WWC2: variants seen among roughly 807,000 people sequenced by gnomAD.
WWC2 encodes the protein protein WWC2.
Under a neutral mutation model 138.5 loss-of-function variants are expected in WWC2, and 101 were observed. The observed-to-expected ratio is 0.73, with a 90% CI of 0.62 to 0.86. The LOEUF is 0.86. Among genes scored for constraint, WWC2 ranks in the 40% least tolerant of loss-of-function variants. The pLI is 0.00. For missense variants in WWC2, 1,420 were observed against 1,419.4 expected, an observed-to-expected ratio of 1.00 and a Z score of -0.01; for synonymous variants, 558 against 538.4, an observed-to-expected ratio of 1.04 and a Z score of -0.50.
At chr4:183,220,676 T>C (rs1307695239) in intron 4 of WWC2, among the ~76,000 whole-genome samples, 2 of 150,982 alleles carry the variant, frequency 1.3e-5, no homozygotes, top group African/African-American at 2.4e-5. Flanking sequence ...CTACTAAAAA[T>C]ACAAAAAAGT....
At chr4:183,114,650 G>C (rs1216219915) in intron 1 of WWC2, among the ~76,000 whole-genome samples, 1 of 148,296 alleles carries the variant, frequency 6.7e-6, no homozygotes, top group Non-Finnish European at 1.5e-5. Flanking sequence ...TGGTTTATTT[G>C]TTTTCACTGG....
intron 1 of WWC2, among the ~76,000 whole-genome samples, chr4:183,138,201 A>G (rs539499891): frequency 1.3e-5 from 2 of 152,302 alleles, no homozygotes; most frequent in South Asian, 4.1e-4. Context: ...CCCTCCCCCT[A>G]TAACCTTTGG....
chr4:183,208,036 G>A lies in WWC2; in HGVS notation c.325G>A (p.Asp109Asn). Reference sequence around the variant, plus strand: ...CAAGGACTACCTCTCTGTGGCACAGGATGCCCTCCGGACACAGAAGGAACT... The same window carrying A: ...CAAGGACTACCTCTCTGTGGCACAGAATGCCCTCCGGACACAGAAGGAACT... Reference protein sequence around the residue: ...MLKDYLSVAQDALRTQKELYH... With the variant: ...MLKDYLSVAQNALRTQKELYH... The change falls in exon 3 of 23, where the codon GAT becomes AAT. Residue 109 changes from aspartate (D) to asparagine (N), a missense_variant. Asp to Asn is a conservative substitution (Grantham distance 23). Coordinates refer to ENST00000403733, the MANE Select transcript of WWC2 (RefSeq NM_024949.6). The A allele has an allele frequency of 6.2e-7, 1 of 1,613,864 alleles. No homozygotes were observed.
intron 1 of WWC2, among the ~76,000 whole-genome samples, chr4:183,133,920 G>T (rs1733027614): frequency 6.6e-6 from 1 of 152,156 alleles, no homozygotes; most frequent in Admixed American, 6.5e-5. Flanking sequence ...TTGACTGGTT[G>T]AACAAGCCCA....
intron 2 of WWC2, among the ~76,000 whole-genome samples, chr4:183,194,672 G>A (rs940886146): frequency 2.0e-5 from 3 of 152,150 alleles, no homozygotes; most frequent in African/African-American, 7.2e-5. Flanking sequence ...GGTAGATGAT[G>A]TATTTCTCAA....
At chr4:183,115,712 GGTTT>G (rs377600324) in intron 1 of WWC2, among the ~76,000 whole-genome samples, 57 of 152,156 alleles carry the variant, frequency 3.7e-4, no homozygotes, top group African/African-American at 1.3e-3. Flanking sequence ...TTTGCTTGTT[GGTTT>G]GTTTATGTTC....
Position 183,307,973 on chromosome 4 carries a change from G to C in WWC2, c.3385-4368G>C, listed in dbSNP as rs562829165. Among the ~76,000 whole-genome samples, 8 of 152,110 alleles carry C rather than the reference G, an allele frequency of 5.3e-5. No homozygotes were observed. The East Asian group carries it at 1.6e-3, about 30-fold the overall frequency. On this transcript the variant is annotated intron_variant, in intron 21 of 22. Coordinates refer to ENST00000403733, the MANE Select transcript of WWC2 (RefSeq NM_024949.6). Reference sequence around the variant, plus strand: ...TCCATGTAGGCAACCTGAAAGATTTGACCACAAACCTAACAAACAGAAACA... The same window carrying C: ...TCCATGTAGGCAACCTGAAAGATTTCACCACAAACCTAACAAACAGAAACA...
chr4:183,249,450 A>T (rs1303088814), intron 7 of WWC2, among the ~76,000 whole-genome samples: 2 of 152,200 alleles, frequency 1.3e-5, no homozygotes, highest in African/African-American at 4.8e-5. Flanking sequence ...GTGCTGTGAA[A>T]GTAAAACAGG....
chr4:183,271,231 C>G lies in WWC2; in HGVS notation c.2552C>G (p.Ser851Cys). The change falls in exon 16 of 23, where the codon TCT becomes TGT. Residue 851 changes from serine (S) to cysteine (C), a missense_variant. Physicochemically the swap from Ser to Cys is moderately radical, Grantham distance 112. Transcript: ENST00000403733. ...VFQPNQPLVD[S>C]IDLDAVSALL... Reference sequence around the variant, plus strand: ...CAACCAAACCAGCCGTTAGTAGATTCTATAGACTTGGTGAGTCAAAATTAG... The same window carrying G: ...CAACCAAACCAGCCGTTAGTAGATTGTATAGACTTGGTGAGTCAAAATTAG... The G allele has an allele frequency of 6.2e-7, 1 of 1,607,762 alleles. No individual in the cohort carries two copies. Among genetic ancestry groups the G allele is most frequent in the East Asian group, 2.2e-5 (1 of 44,668 alleles).
intron 4 of WWC2, among the ~76,000 whole-genome samples, chr4:183,216,528 C>T (rs970044748): frequency 6.6e-6 from 1 of 152,176 alleles, no homozygotes; most frequent in South Asian, 2.1e-4. Context: ...AAGAATTGCC[C>T]TCTAACAGCA....
chr4:183,181,900 A>T (rs899347272), intron 1 of WWC2, among the ~76,000 whole-genome samples: 1 of 152,206 alleles, frequency 6.6e-6, no homozygotes, highest in African/African-American at 2.4e-5. Flanking sequence ...TATTTTCTGT[A>T]TTCTTCATAA....
rs542991111 is a variant in WWC2 at position 183,221,808 on chromosome 4, C to A, written c.522+12783C>A. Among the ~76,000 whole-genome samples, 737 of 152,202 alleles carry A rather than the reference C, an allele frequency of 4.8e-3. 4 individuals are homozygous for A. The highest frequency in any genetic ancestry group is 0.017 in the African/African-American group (711 of 41,530). On this transcript the variant is annotated intron_variant, in intron 4 of 22. Transcript: ENST00000403733. Reference sequence around the variant, plus strand: ...AGTCTCATACATTGCTATGGGAATGCAAAATGGTACAACCCTTTTGGAAAG... The same window carrying A: ...AGTCTCATACATTGCTATGGGAATGAAAAATGGTACAACCCTTTTGGAAAG...
At chr4:183,111,019 C>T (rs1267920930) in intron 1 of WWC2, among the ~76,000 whole-genome samples, 2 of 151,928 alleles carry the variant, frequency 1.3e-5, no homozygotes, top group Non-Finnish European at 2.9e-5. Context: ...GCGGGCGGAT[C>T]ACGAGGTCAG....
At chr4:183,247,193 C>T (rs898698041) in intron 6 of WWC2, among the ~76,000 whole-genome samples, 5 of 152,074 alleles carry the variant, frequency 3.3e-5, no homozygotes, top group African/African-American at 1.2e-4. Flanking sequence ...CACGCGCACA[C>T]ACACACATAC....
intron 1 of WWC2, among the ~76,000 whole-genome samples, chr4:183,169,499 C>G (rs1734219318): frequency 6.6e-6 from 1 of 152,016 alleles, no homozygotes; most frequent in Non-Finnish European, 1.5e-5. Flanking sequence ...TTCTTGAACT[C>G]CTGGCCTCAA....
chr4:183,195,755 T>G (rs1735123694), intron 2 of WWC2, among the ~76,000 whole-genome samples: 1 of 152,174 alleles, frequency 6.6e-6, no homozygotes, highest in South Asian at 2.1e-4. Context: ...CCTCTTCCCT[T>G]CACAGCCAGA....
intron 14 of WWC2, among the ~76,000 whole-genome samples, chr4:183,267,625 C>A (rs999231877): frequency 2.0e-5 from 3 of 152,208 alleles, no homozygotes; most frequent in Non-Finnish European, 4.4e-5. Context: ...TCAACTAAAC[C>A]AATCACAGTC....
At chr4:183,199,048 C>T (rs980698483) in intron 2 of WWC2, among the ~76,000 whole-genome samples, 2 of 152,082 alleles carry the variant, frequency 1.3e-5, no homozygotes, top group Non-Finnish European at 2.9e-5. Flanking sequence ...GCCACATCTA[C>T]TTGGAGAAAG....
At chr4:183,239,095 G>T (rs1373235601) in intron 4 of WWC2, among the ~76,000 whole-genome samples, 1 of 152,104 alleles carries the variant, frequency 6.6e-6, no homozygotes, top group Non-Finnish European at 1.5e-5. Flanking sequence ...CGGGTGGATC[G>T]CTTGAGCCCT....
Sources: allele counts gnomAD v4.1 joint callset (sites outside exome capture counted in the v4.1 genomes callset), GRCh38; gene constraint gnomAD v4.1.1; transcripts MANE v1.5; gene names NCBI Gene and HGNC (gene_info 2026-07-23, HGNC 2026-07-21).